Variants in WDR7 observed in about 807,000 individuals in gnomAD.
WDR7 encodes WD repeat-containing protein 7.
WDR7 carries 46 observed loss-of-function variants against 169.4 expected under a neutral mutation model. The observed-to-expected ratio is 0.27, with a 90% CI of 0.21 to 0.35. The LOEUF (loss-of-function observed/expected upper bound fraction) is 0.35. WDR7 is among the 10% of genes least tolerant of loss of function. The pLI, the probability that WDR7 is intolerant of heterozygous loss-of-function variation, is 1.00. For missense variants in WDR7, 1,534 were observed against 1,859.3 expected, an observed-to-expected ratio of 0.83 and a Z score of 3.22; for synonymous variants, 612 against 666.8, an observed-to-expected ratio of 0.92 and a Z score of 1.27.
intron 7 of WDR7, among the ~76,000 whole-genome samples, chr18:56,690,893 A>G (rs1346578281): frequency 1.3e-5 from 2 of 152,124 alleles, no homozygotes; most frequent in Non-Finnish European, 2.9e-5. Flanking sequence ...TTGATTCCCT[A>G]TTATTTGCAA....
chr18:56,871,225 A>T (rs1224058485), intron 20 of WDR7, among the ~76,000 whole-genome samples: 2 of 152,212 alleles, frequency 1.3e-5, no homozygotes, highest in African/African-American at 4.8e-5. Context: ...GTATTAACAA[A>T]GTTCACTTTG....
chr18:56,889,868 G>T (rs1485390592), intron 21 of WDR7, among the ~76,000 whole-genome samples: 1 of 152,124 alleles, frequency 6.6e-6, no homozygotes, highest in Non-Finnish European at 1.5e-5. Flanking sequence ...CACATATCTG[G>T]GCTTTAGGAA....
chr18:56,774,010 G>GA (rs1373696743), intron 16 of WDR7, among the ~76,000 whole-genome samples: 3 of 147,548 alleles, frequency 2.0e-5, no homozygotes, highest in Admixed American at 1.3e-4. Context: ...ATTAAGCTTT[G>GA]AAAAAAACTT....
At chr18:56,937,904 T>G (rs545450301) in intron 23 of WDR7, among the ~76,000 whole-genome samples, 124 of 152,310 alleles carry the variant, frequency 8.1e-4, no homozygotes, top group Middle Eastern at 3.4e-3. Flanking sequence ...ATGTTATATA[T>G]ATTATATACT....
intron 20 of WDR7, among the ~76,000 whole-genome samples, chr18:56,876,538 A>G (rs904435721): frequency 6.6e-6 from 1 of 152,238 alleles, no homozygotes. Context: ...TTTGGCTCCT[A>G]TGAGCTAAAG....
chr18:56,714,260 T>G (rs1444926338), intron 12 of WDR7, among the ~76,000 whole-genome samples: 1 of 152,158 alleles, frequency 6.6e-6, no homozygotes, highest in East Asian at 1.9e-4. Flanking sequence ...CCATCTTTTC[T>G]TGTGAGTTAA....
rs1397597132 is a variant in WDR7, at chr18:56,935,877, C to T, written c.3803C>T (p.Pro1268Leu). 1.9e-6 allele frequency: 3 copies of T among 1,614,124 alleles called. No homozygotes were observed. Among genetic ancestry groups the T allele is most frequent in the Non-Finnish European group, 2.5e-6 (3 of 1,180,002 alleles). The stretch of plus-strand genomic sequence containing the variant: ...TCGCTCATTGCCACCGCCAGACCAC[C>T]CGCCTTCATCACCACCATAGCCAAA... ...ALSLIATARP[P>L]AFITTIAKEV... Residue 1268 changes from proline (P) to leucine (L), a missense_variant, in exon 23 of 28, where the codon CCC becomes CTC. Pro to Leu is a moderately conservative substitution (Grantham distance 98). Transcript: ENST00000254442.
chr18:56,877,977 A>G (rs1040166505), intron 20 of WDR7, among the ~76,000 whole-genome samples: 4 of 152,202 alleles, frequency 2.6e-5, no homozygotes, highest in Non-Finnish European at 5.9e-5. Flanking sequence ...ATTTCTTTAT[A>G]TATTTTCTAC....
At chr18:56,659,137 C>CA (rs1223028466) in intron 1 of WDR7, among the ~76,000 whole-genome samples, 1 of 152,042 alleles carries the variant, frequency 6.6e-6, no homozygotes, top group East Asian at 1.9e-4. Flanking sequence ...GTGTATATGT[C>CA]ACGATAGACT....
chr18:57,026,553 G>A (rs1466830965), intron 27 of WDR7, among the ~76,000 whole-genome samples: 1 of 152,196 alleles, frequency 6.6e-6, no homozygotes, highest in Non-Finnish European at 1.5e-5. Context: ...TCTATCTACT[G>A]CTTAACTTTG....
At chr18:56,841,198 A>T (rs2045480603) in intron 20 of WDR7, among the ~76,000 whole-genome samples, 1 of 151,886 alleles carries the variant, frequency 6.6e-6, no homozygotes, top group African/African-American at 2.4e-5. Context: ...ATCTCAAATA[A>T]ATAAATAATA....
chr18:56,978,773 T>C (rs2047601596), intron 26 of WDR7, among the ~76,000 whole-genome samples: 1 of 152,214 alleles, frequency 6.6e-6, no homozygotes, highest in Admixed American at 6.5e-5. Flanking sequence ...TCAGACGTCC[T>C]GAGGTCTTTA....
chr18:56,741,621 G>A (rs1166484935), intron 14 of WDR7, among the ~76,000 whole-genome samples: 1 of 152,144 alleles, frequency 6.6e-6, no homozygotes, highest in Admixed American at 6.5e-5. Flanking sequence ...CATCATGTGT[G>A]TATATTTCAG....
At chr18:56,927,079 C>T (rs1190662239) in intron 22 of WDR7, among the ~76,000 whole-genome samples, 1 of 151,952 alleles carries the variant, frequency 6.6e-6, no homozygotes, top group Non-Finnish European at 1.5e-5. Flanking sequence ...TTTCAGTTCA[C>T]GTTTATTGAA....
At chr18:56,677,782 T>G (rs746597744) in intron 2 of WDR7, among the ~76,000 whole-genome samples, 59 of 152,198 alleles carry the variant, frequency 3.9e-4, no homozygotes, top group Admixed American at 1.2e-3. Flanking sequence ...CTATAAGTAC[T>G]TGGATATTTG....
chr18:56,806,247 A>G (rs772599149), intron 19 of WDR7, among the ~76,000 whole-genome samples: 1 of 152,168 alleles, frequency 6.6e-6, no homozygotes, highest in Non-Finnish European at 1.5e-5. Context: ...AATAACTATC[A>G]TTCAAAAAAG....
chr18:56,874,819 C>A (rs117247052), intron 20 of WDR7, among the ~76,000 whole-genome samples: 2 of 150,618 alleles, frequency 1.3e-5, no homozygotes, highest in African/African-American at 5.0e-5. Flanking sequence ...GAAACCATAA[C>A]AGCAACAAGA....
intron 26 of WDR7, among the ~76,000 whole-genome samples, chr18:56,995,364 T>C (rs984256674): frequency 6.6e-6 from 1 of 152,192 alleles, no homozygotes; most frequent in African/African-American, 2.4e-5. Context: ...AAGCATGGTA[T>C]AAATGATTGT....
intron 21 of WDR7, among the ~76,000 whole-genome samples, chr18:56,908,083 T>A (rs1244537461): frequency 6.6e-6 from 1 of 152,166 alleles, no homozygotes; most frequent in Non-Finnish European, 1.5e-5. Flanking sequence ...AGTTAGATTC[T>A]CTCCATAAGC....
Sources: gnomAD v4.1 joint callset for allele counts (sites outside exome capture counted in the v4.1 genomes callset) on GRCh38, gnomAD v4.1.1 for gene constraint, MANE v1.5 for transcripts, NCBI Gene and HGNC (gene_info 2026-07-23, HGNC 2026-07-21) for gene names.